MED13L: variants seen among roughly 807,000 people sequenced by gnomAD.
MED13L encodes mediator complex subunit 13L.
A neutral mutation model predicts 220.9 loss-of-function variants in MED13L; 7 were observed. The observed-to-expected ratio is 0.03, with a 90% CI of 0.02 to 0.06. The LOEUF is 0.06. Among genes scored for constraint, MED13L ranks in the 10% least tolerant of loss-of-function variants. The pLI is 1.00. For synonymous variants in MED13L, 1,011 were observed against 1,015.2 expected, an observed-to-expected ratio of 1.00 and a Z score of 0.08; for missense variants, 1,965 against 2,760.5, an observed-to-expected ratio of 0.71 and a Z score of 6.46.
intron 1 of MED13L, among the ~76,000 whole-genome samples, chr12:116,273,102 T>G (rs1032898838): frequency 2.0e-5 from 3 of 151,992 alleles, no homozygotes; most frequent in African/African-American, 7.3e-5. Context: ...GTCGGGAGTT[T>G]GAGACCAGCC....
At chr12:116,107,961 G>A (rs1458267540) in intron 3 of MED13L, among the ~76,000 whole-genome samples, 3 of 152,098 alleles carry the variant, frequency 2.0e-5, no homozygotes, top group Non-Finnish European at 2.9e-5. Flanking sequence ...ATGGTGGCAC[G>A]TGCCTGTAGT....
chr12:116,020,867 C>T (rs181025409), intron 5 of MED13L, among the ~76,000 whole-genome samples: 1 of 152,100 alleles, frequency 6.6e-6, no homozygotes, highest in African/African-American at 2.4e-5. Context: ...GGTCATTAAA[C>T]GGAATGTCTT....
chr12:116,115,825 T>C (rs1024519728), intron 2 of MED13L, among the ~76,000 whole-genome samples: 12 of 152,152 alleles, frequency 7.9e-5, no homozygotes, highest in Middle Eastern at 3.2e-3. Flanking sequence ...CATTATCCAT[T>C]AAAATGGCTT....
intron 2 of MED13L, among the ~76,000 whole-genome samples, chr12:116,185,850 T>C (rs1880863485): frequency 6.6e-6 from 1 of 152,016 alleles, no homozygotes; most frequent in Admixed American, 6.6e-5. Flanking sequence ...TGCACCACCA[T>C]GCCCAGCTAA....
At chr12:116,151,596 A>T (rs765560983) in intron 2 of MED13L, among the ~76,000 whole-genome samples, 3 of 152,248 alleles carry the variant, frequency 2.0e-5, no homozygotes, top group Non-Finnish European at 4.4e-5. Flanking sequence ...ATAAGAAGTC[A>T]CATTACAATG....
intron 4 of MED13L, among the ~76,000 whole-genome samples, chr12:116,090,420 T>C (rs909146665): frequency 2.0e-5 from 3 of 152,188 alleles, no homozygotes; most frequent in Non-Finnish European, 2.9e-5. Context: ...AAGAATGATA[T>C]CAAATCTCTT....
chr12:116,267,980 T>A (rs1013640968), intron 1 of MED13L, among the ~76,000 whole-genome samples: 1 of 152,022 alleles, frequency 6.6e-6, no homozygotes, highest in Non-Finnish European at 1.5e-5. Flanking sequence ...GAACACAGAG[T>A]TAATCATCAA....
At chr12:116,212,443 C>T (rs1882756718) in intron 2 of MED13L, among the ~76,000 whole-genome samples, 1 of 152,194 alleles carries the variant, frequency 6.6e-6, no homozygotes, top group Non-Finnish European at 1.5e-5. Flanking sequence ...TTCTGAGCAT[C>T]AGAGAATTCA....
At chr12:115,997,253 A>AT in intron 14 of MED13L, 23 bp from the exon 15 acceptor site, 1 of 1,607,220 alleles carries the variant, frequency 6.2e-7, no homozygotes, top group Non-Finnish European at 8.5e-7. Flanking sequence ...AATAAAAAAA[A>AT]TTTGTTTAAT....
At chr12:116,187,701 A>G (rs187378626) in intron 2 of MED13L, among the ~76,000 whole-genome samples, 5 of 152,276 alleles carry the variant, frequency 3.3e-5, no homozygotes, top group Admixed American at 2.0e-4. Context: ...TATCTGCTCT[A>G]TTAAATCTGG....
At chr12:116,262,372 T>G (rs1409841227) in intron 1 of MED13L, among the ~76,000 whole-genome samples, 3 of 152,156 alleles carry the variant, frequency 2.0e-5, no homozygotes, top group Admixed American at 2.0e-4. Flanking sequence ...ATAAGATAGA[T>G]TACAAGGAAT....
chr12:116,032,927 G>A (rs1880943822), intron 4 of MED13L, among the ~76,000 whole-genome samples: 1 of 152,136 alleles, frequency 6.6e-6, no homozygotes, highest in South Asian at 2.1e-4. Flanking sequence ...ACGGATGGGA[G>A]AGGAAATGAT....
chr12:116,161,791 G>A (rs1377286481), intron 2 of MED13L, among the ~76,000 whole-genome samples: 9 of 152,100 alleles, frequency 5.9e-5, no homozygotes, highest in Non-Finnish European at 1.3e-4. Context: ...AATATAAAAT[G>A]ACAGTGTTTT....
chr12:115,978,860 C>G (rs185269960), intron 23 of MED13L, among the ~76,000 whole-genome samples: 1 of 152,234 alleles, frequency 6.6e-6, no homozygotes, highest in Admixed American at 6.5e-5. Flanking sequence ...AAGATAACAG[C>G]AATTGGATTT....
chr12:116,152,629 G>T (rs892438502), intron 2 of MED13L, among the ~76,000 whole-genome samples: 1 of 152,002 alleles, frequency 6.6e-6, no homozygotes. Flanking sequence ...CCAATGGCGT[G>T]GGGGGGAAAG....
intron 17 of MED13L, among the ~76,000 whole-genome samples, chr12:115,988,535 AT>A (rs2137295550): frequency 6.6e-6 from 1 of 152,348 alleles, no homozygotes; most frequent in Non-Finnish European, 1.5e-5. Flanking sequence ...TACTTCTTGT[AT>A]TAATGGCTCT....
In MED13L at chr12:115,968,971, A is replaced by G; in HGVS notation, c.6194T>C (p.Ile2065Thr). The G allele has an allele frequency of 1.2e-6, 2 of 1,614,122 alleles. No homozygotes were observed. Among genetic ancestry groups the G allele is most frequent in the Non-Finnish European group, 1.7e-6 (2 of 1,180,002 alleles). Residue 2065 changes from isoleucine to threonine, a missense_variant, in exon 28 of 31, where the codon ATT (isoleucine) becomes ACT (threonine). Physicochemically the swap from Ile to Thr is moderately conservative, Grantham distance 89. This residue lies in a region of MED13L where 145 missense variants were observed against 328.3 expected (regional missense o/e 0.44). Coordinates refer to ENST00000281928, the MANE Select transcript of MED13L (RefSeq NM_015335.5). ...ATGCTGGAAGTGAGAGCCCACACCA[A>G]TTCCAGAAGGAGAGCCTGGGGAGGG... is the stretch of plus-strand genomic sequence containing the variant. ...PVPSPGSPSG[I>T]GVGSHFQHSR... is the part of the protein sequence containing the mutation.
At chr12:116,202,863 A>G (rs1420455868) in intron 2 of MED13L, among the ~76,000 whole-genome samples, 1 of 152,230 alleles carries the variant, frequency 6.6e-6, no homozygotes, top group Non-Finnish European at 1.5e-5. Context: ...GAGAAAATGC[A>G]AAGTTAGAAG....
chr12:116,125,424 C>T (rs978739522), intron 2 of MED13L, among the ~76,000 whole-genome samples: 3 of 152,134 alleles, frequency 2.0e-5, no homozygotes, highest in Admixed American at 2.0e-4. Flanking sequence ...CCTGTGCTAC[C>T]ACAGCAGGTT....
Sources: allele counts gnomAD v4.1 joint callset (sites outside exome capture counted in the v4.1 genomes callset), GRCh38; gene constraint gnomAD v4.1.1; regional missense constraint gnomAD v4.1.1; transcripts MANE v1.5; gene names NCBI Gene and HGNC (gene_info 2026-07-23, HGNC 2026-07-21).